The following PDS5B variants were observed in gnomAD, a reference collection of about 807,000 sequenced individuals.
PDS5B encodes sister chromatid cohesion protein PDS5 homolog B.
In PDS5B, 51 loss-of-function variants were observed where a neutral mutation model predicts 184.1. That is an observed-to-expected ratio of 0.28 (90% CI 0.22 to 0.35). PDS5B has a LOEUF of 0.35. Among genes scored for constraint, PDS5B ranks in the 10% least tolerant of loss-of-function variants. The pLI, the probability that PDS5B is intolerant of heterozygous loss-of-function variation, is 1.00. For missense variants in PDS5B, 1,180 were observed against 1,723.3 expected (o/e 0.68, Z 5.58); for synonymous variants, 566 against 569.2 (o/e 0.99, Z 0.08).
At chr13:32,769,819 T>C (rs1954717125) in intron 31 of PDS5B, among the ~76,000 whole-genome samples, 1 of 152,192 alleles carries the variant, frequency 6.6e-6, no homozygotes, top group Non-Finnish European at 1.5e-5. Context: ...TAATGCTCTT[T>C]TTAATGAGAT....
chr13:32,601,307 T>G (rs575826546), intron 1 of PDS5B, among the ~76,000 whole-genome samples: 2 of 152,362 alleles, frequency 1.3e-5, no homozygotes, highest in East Asian at 3.9e-4. Flanking sequence ...CTGTTCACAC[T>G]CATTTTCATT....
intron 1 of PDS5B, among the ~76,000 whole-genome samples, chr13:32,636,447 T>C (rs1402217918): frequency 3.3e-5 from 5 of 152,214 alleles, no homozygotes; most frequent in Non-Finnish European, 7.3e-5. Context: ...GCTTTTTTCA[T>C]ATGGAAGTGT....
At chr13:32,614,318 G>A (rs1307072111) in intron 1 of PDS5B, among the ~76,000 whole-genome samples, 1 of 141,102 alleles carries the variant, frequency 7.1e-6, no homozygotes, top group Non-Finnish European at 1.5e-5. Flanking sequence ...TTTTTTTTGA[G>A]ACGGAGTCTC....
At chr13:32,652,916 G>A (rs975354653) in intron 3 of PDS5B, among the ~76,000 whole-genome samples, 1 of 152,132 alleles carries the variant, frequency 6.6e-6, no homozygotes, top group Non-Finnish European at 1.5e-5. Flanking sequence ...GGAAAATGCT[G>A]GTAGAAAGCA....
At chr13:32,665,648 ATG>A (rs1566302496) in intron 6 of PDS5B, among the ~76,000 whole-genome samples, 32 of 150,112 alleles carry the variant, frequency 2.1e-4, no homozygotes, top group Non-Finnish European at 4.0e-4. Context: ...CAAGATAGGA[ATG>A]AATTTCTTAA....
At chr13:32,607,576 C>A (rs901569142) in intron 1 of PDS5B, among the ~76,000 whole-genome samples, 1 of 152,254 alleles carries the variant, frequency 6.6e-6, no homozygotes, top group African/African-American at 2.4e-5. Flanking sequence ...AACCACTACT[C>A]TCTTCAAAGC....
At chr13:32,764,017 T>C (rs1337813308) in intron 30 of PDS5B, among the ~76,000 whole-genome samples, 1 of 151,950 alleles carries the variant, frequency 6.6e-6, no homozygotes, top group Non-Finnish European at 1.5e-5. Context: ...TGGCATACAT[T>C]GGTAAGTAAA....
At chr13:32,589,216 T>A (rs1447299887) in intron 1 of PDS5B, among the ~76,000 whole-genome samples, 3 of 148,924 alleles carry the variant, frequency 2.0e-5, no homozygotes, top group Non-Finnish European at 4.5e-5. Context: ...ACAGTCATAT[T>A]CATGTGGTGG....
intron 1 of PDS5B, among the ~76,000 whole-genome samples, chr13:32,599,913 T>G (rs2057946560): frequency 6.6e-6 from 1 of 152,066 alleles, no homozygotes; most frequent in South Asian, 2.1e-4. Flanking sequence ...AGACTCTGTC[T>G]CAAAAAAAAC....
At position 32,777,354 on chromosome 13, in the gene PDS5B, T is replaced by TC. The variant is rs1954986198; in HGVS notation, c.*2302_*2303insC. On this transcript the variant is annotated 3_prime_UTR_variant, in exon 35 of 35. Coordinates refer to ENST00000315596, the MANE Select transcript of PDS5B (RefSeq NM_015032.4). ...TAAATTTTTCTTTTCTTTCTTTCTT[T>TC]TTTTTTTTTTTTGTGTAGAAAAATA... is the stretch of plus-strand genomic sequence containing the variant. 1.3e-5 allele frequency: 2 copies of TC among 148,976 alleles called. No homozygotes were observed. Among genetic ancestry groups the TC allele is most frequent in the East Asian group, 1.9e-4 (1 of 5,166 alleles). The allele number at this position is 148,976 out of a possible 1,614,324, so 9.2% of individuals were successfully genotyped here. A position where few individuals can be genotyped will look rare whatever the true frequency, so the allele number is the denominator to read the frequency against.
intron 3 of PDS5B, 69 bp from the exon 4 acceptor site, chr13:32,658,170 T>C (rs1453930257): frequency 2.6e-6 from 2 of 761,080 alleles, no homozygotes; most frequent in African/African-American, 3.5e-5. Flanking sequence ...GAATAAACTC[T>C]TGGAGTTTCA....
chr13:32,683,918 T>C lies in PDS5B; in HGVS notation c.1098T>C (p.Ile366=). 1 of 1,600,008 alleles carries C rather than the reference T, an allele frequency of 6.2e-7. No individual in the cohort carries two copies. The highest frequency in any genetic ancestry group is 8.6e-7 in the Non-Finnish European group (1 of 1,168,244). The change falls in exon 11 of 35, where the codon ATT becomes ATC. Residue 366 remains isoleucine (I), a synonymous_variant. Transcript: ENST00000315596. ...KVRSHDPEEA[I]RHDVIVSIVT... The stretch of plus-strand genomic sequence containing the variant: ...GGTCACATGACCCTGAGGAAGCTAT[T>C]AGACATGATGTTATTGTGTCAATAG...
chr13:32,657,931 A>G (rs560714959), intron 3 of PDS5B, among the ~76,000 whole-genome samples: 3 of 152,326 alleles, frequency 2.0e-5, no homozygotes, highest in Middle Eastern at 3.4e-3. Flanking sequence ...TTATTCTAAA[A>G]ATAGCATAAA....
intron 20 of PDS5B, among the ~76,000 whole-genome samples, chr13:32,732,480 A>G (rs1024855312): frequency 6.7e-6 from 1 of 149,290 alleles, no homozygotes; most frequent in Non-Finnish European, 1.5e-5. Flanking sequence ...TTTGGAGACT[A>G]TTTTTTGTTA....
chr13:32,749,550 A>G lies in PDS5B; in HGVS notation c.2736+3450A>G, dbSNP rs113230467. ...TTGGAATTCAGTTCATGAAAGATTTACTCTGTACTTCTGTGTGCTGTACAT... is the reference window on the plus strand; with the variant it reads ...TTGGAATTCAGTTCATGAAAGATTTGCTCTGTACTTCTGTGTGCTGTACAT... On this transcript the variant is annotated intron_variant, in intron 24 of 34. Transcript: ENST00000315596. Among the ~76,000 whole-genome samples the G allele has an allele frequency of 6.1e-3, 924 of 152,288 alleles. 9 individuals are homozygous for G. The highest frequency in any genetic ancestry group is 0.01 in the Non-Finnish European group (681 of 68,022).
intron 1 of PDS5B, among the ~76,000 whole-genome samples, chr13:32,615,314 A>G (rs932558399): frequency 2.6e-5 from 4 of 152,212 alleles, no homozygotes. Context: ...ATTCTTATAC[A>G]TTATTTTCAG....
Position 32,770,512 on chromosome 13 carries a change from A to G in PDS5B, c.4016A>G (p.Gln1339Arg). ...EEERQSGNTEQKSKSKQHRVS... is the reference protein window; with the variant it reads ...EEERQSGNTERKSKSKQHRVS... ...GAAAGACAAAGTGGAAATACGGAAC[A>G]GAAGTCCAAAAGCAAACAGCACCGA... Residue 1339 changes from glutamine (Q) to arginine (R), a missense_variant, in exon 32 of 35, where the codon CAG becomes CGG. Around this residue, in one of 11 missense-constraint regions of PDS5B, gnomAD observed 465 missense variants for 497.8 expected, o/e 0.93. Transcript: ENST00000315596. 1 of 1,610,536 alleles carries G rather than the reference A, an allele frequency of 6.2e-7. No individual in the cohort carries two copies. The highest frequency in any genetic ancestry group is 8.5e-7 in the Non-Finnish European group (1 of 1,179,218).
intron 19 of PDS5B, among the ~76,000 whole-genome samples, chr13:32,729,938 CTTTAG>C (rs1354501342): frequency 6.6e-6 from 1 of 152,160 alleles, no homozygotes; most frequent in Non-Finnish European, 1.5e-5. Flanking sequence ...TGCAGAAGCT[CTTTAG>C]TTTAATTAGA....
chr13:32,630,810 G>A (rs1221255026), intron 1 of PDS5B, among the ~76,000 whole-genome samples: 2 of 145,586 alleles, frequency 1.4e-5, no homozygotes, highest in East Asian at 2.0e-4. Flanking sequence ...TTTTTCAGAC[G>A]GAGTCTCACT....
Sources: gnomAD v4.1 joint callset for allele counts (sites outside exome capture counted in the v4.1 genomes callset) on GRCh38, gnomAD v4.1.1 for gene constraint, gnomAD v4.1.1 regional missense constraint, MANE v1.5 for transcripts, NCBI Gene and HGNC (gene_info 2026-07-23, HGNC 2026-07-21) for gene names.